Variants in GBE1 observed in about 807,000 individuals in gnomAD.
The protein encoded by GBE1 is 1,4-alpha-glucan-branching enzyme.
GBE1 carries 70 observed loss-of-function variants against 88.8 expected under a neutral mutation model. The ratio of observed to expected loss-of-function variants is 0.79; its 90% CI spans 0.65 to 0.96. The LOEUF is 0.96. GBE1 is among the 40% of genes least tolerant of loss of function. The pLI is 0.00. For missense variants in GBE1, 872 were observed against 871.0 expected (o/e 1.00, Z -0.01); for synonymous variants, 284 against 300.1 (o/e 0.95, Z 0.56).
intron 12 of GBE1, among the ~76,000 whole-genome samples, chr3:81,558,799 A>C (rs2106906363): frequency 6.6e-6 from 1 of 152,218 alleles, no homozygotes; most frequent in Middle Eastern, 3.4e-3. Flanking sequence ...TTTATATTTA[A>C]ACATGTGACC....
At chr3:81,688,012 A>T (rs1396000063) in intron 2 of GBE1, among the ~76,000 whole-genome samples, 1 of 152,186 alleles carries the variant, frequency 6.6e-6, no homozygotes, top group Non-Finnish European at 1.5e-5. Flanking sequence ...CACACCAAAA[A>T]ATCTTGCTTG....
In GBE1 at chr3:81,705,535, T is replaced by C. The variant is rs541286978; in HGVS notation, c.222A>G (p.Glu74=). ...CAGCACATCTGTGGACGCCAAATGA[T>C]TCATAGCCTCTGGAAAACTTATCAA... The part of the protein sequence containing the change: ...GGIDKFSRGY[E]SFGVHRCADG... The change falls in exon 2 of 16, where the codon GAA becomes GAG. Residue 74 remains glutamate (E), a synonymous_variant. Coordinates refer to ENST00000429644, the MANE Select transcript of GBE1 (RefSeq NM_000158.4). 1 of 1,600,190 alleles carries C rather than the reference T, an allele frequency of 6.2e-7. No homozygotes were observed. Among genetic ancestry groups the C allele is most frequent in the South Asian group, 1.1e-5 (1 of 88,442 alleles).
chr3:81,685,900 C>G lies in GBE1; in HGVS notation c.314-14947G>C, dbSNP rs1296329526. Among the ~76,000 whole-genome samples the G allele has an allele frequency of 2.0e-5, 3 of 152,190 alleles. No individual in the cohort carries two copies. In the South Asian group the frequency reaches 6.2e-4, roughly 31 times the overall value. On this transcript the variant is annotated intron_variant, in intron 2 of 15. Transcript: ENST00000429644. ...ACCAATTTCCTAACTGCCATCTCTA[C>G]TTCCTCATATCTCTTCAGCTGCTAA...
intron 7 of GBE1, among the ~76,000 whole-genome samples, chr3:81,637,814 T>C (rs185628482): frequency 6.6e-6 from 1 of 152,246 alleles, no homozygotes; most frequent in East Asian, 1.9e-4. Context: ...CAAGTTAATA[T>C]TTATCATTGA....
intron 14 of GBE1, among the ~76,000 whole-genome samples, chr3:81,515,087 T>A (rs1311042269): frequency 6.6e-6 from 1 of 151,596 alleles, no homozygotes; most frequent in Non-Finnish European, 1.5e-5. Context: ...TTCAGGCCAA[T>A]GATACTACTG....
intron 3 of GBE1, among the ~76,000 whole-genome samples, chr3:81,659,538 T>C (rs1031402168): frequency 2.1e-5 from 3 of 145,888 alleles, no homozygotes; most frequent in African/African-American, 7.7e-5. Context: ...TTAGTAGAGA[T>C]GGGGTTTCAC....
chr3:81,568,422 A>G (rs1213742246), intron 12 of GBE1, among the ~76,000 whole-genome samples: 1 of 152,122 alleles, frequency 6.6e-6, no homozygotes, highest in African/African-American at 2.4e-5. Context: ...TTGTGTTCTC[A>G]ATTTTAACAA....
intron 3 of GBE1, among the ~76,000 whole-genome samples, chr3:81,664,245 G>C (rs1427371591): frequency 6.6e-6 from 1 of 151,876 alleles, no homozygotes; most frequent in Non-Finnish European, 1.5e-5. Context: ...CTTAACCTAG[G>C]ACCTCATTTC....
intron 7 of GBE1, among the ~76,000 whole-genome samples, chr3:81,603,394 A>G (rs1477318985): frequency 6.6e-6 from 1 of 152,184 alleles, no homozygotes; most frequent in African/African-American, 2.4e-5. Flanking sequence ...CAATTTTGAA[A>G]AATCAGTATA....
At chr3:81,504,487 GAA>G (rs63356760) in intron 14 of GBE1, among the ~76,000 whole-genome samples, 52,102 of 151,370 alleles carry the variant, frequency 0.34, 10,782 homozygotes, top group South Asian at 0.55. Flanking sequence ...AGTGGGAAAA[GAA>G]TGAAAATTTT....
At chr3:81,531,332 C>A (rs568977284) in intron 14 of GBE1, among the ~76,000 whole-genome samples, 1 of 151,974 alleles carries the variant, frequency 6.6e-6, no homozygotes, top group East Asian at 2.0e-4. Flanking sequence ...TGTGGCTGAG[C>A]TGATCCCCAA....
chr3:81,654,450 T>C (rs1022366059), intron 3 of GBE1: 2 of 152,258 alleles, frequency 1.3e-5, no homozygotes, highest in African/African-American at 4.8e-5. Context: ...AACAGTTTTA[T>C]ATAAAAAATC....
At chr3:81,501,835 TCACAGA>T (rs1702590429) in intron 14 of GBE1, among the ~76,000 whole-genome samples, 1 of 151,242 alleles carries the variant, frequency 6.6e-6, no homozygotes, top group Non-Finnish European at 1.5e-5. Context: ...GTAGTTGAGA[TCACAGA>T]CACAGACACA....
chr3:81,588,709 T>A (rs1045615697), intron 9 of GBE1, among the ~76,000 whole-genome samples: 1 of 152,168 alleles, frequency 6.6e-6, no homozygotes, highest in Non-Finnish European at 1.5e-5. Flanking sequence ...TTCCTCATGA[T>A]TGCTTCCTTA....
At chr3:81,516,643 G>A (rs1303998857) in intron 14 of GBE1, among the ~76,000 whole-genome samples, 1 of 151,476 alleles carries the variant, frequency 6.6e-6, no homozygotes, top group African/African-American at 2.4e-5. Context: ...TCTCGGCAAA[G>A]CAAATTGAAA....
chr3:81,700,184 G>A (rs1217523665), intron 2 of GBE1, among the ~76,000 whole-genome samples: 3 of 152,108 alleles, frequency 2.0e-5, no homozygotes, highest in Non-Finnish European at 2.9e-5. Context: ...GGAGTTGTTT[G>A]TAAAATGTCA....
intron 2 of GBE1, among the ~76,000 whole-genome samples, chr3:81,680,369 C>T (rs1705321899): frequency 6.6e-6 from 1 of 151,756 alleles, no homozygotes; most frequent in African/African-American, 2.4e-5. Flanking sequence ...TGGTGGCGGG[C>T]ACTGTAATCC....
At chr3:81,667,505 G>A (rs907728293) in intron 3 of GBE1, among the ~76,000 whole-genome samples, 4 of 152,112 alleles carry the variant, frequency 2.6e-5, no homozygotes, top group Non-Finnish European at 5.9e-5. Flanking sequence ...GGTAAGAGAG[G>A]GAATCCTTGT....
At chr3:81,552,765 TG>T (rs1703289969) in intron 12 of GBE1, among the ~76,000 whole-genome samples, 2 of 152,130 alleles carry the variant, frequency 1.3e-5, no homozygotes, top group Non-Finnish European at 2.9e-5. Flanking sequence ...AAATGGAAGA[TG>T]ATTTTAAATA....
Sources: gnomAD v4.1 joint callset for allele counts (sites outside exome capture counted in the v4.1 genomes callset) on GRCh38, gnomAD v4.1.1 for gene constraint, MANE v1.5 for transcripts, NCBI Gene and HGNC (gene_info 2026-07-23, HGNC 2026-07-21) for gene names.